Variants in CDKL4 observed in about 807,000 individuals in gnomAD.
The protein encoded by CDKL4 is cyclin-dependent kinase-like 4.
A neutral mutation model predicts 42.0 loss-of-function variants in CDKL4; 44 were observed. That is an observed-to-expected ratio of 1.05 (90% confidence interval 0.82 to 1.35). The LOEUF is 1.35. Ranked by LOEUF, CDKL4 falls within the 40% of genes most tolerant of loss-of-function variation. The pLI, the probability that CDKL4 is intolerant of heterozygous loss-of-function variation, is 0.00. For missense variants in CDKL4, 393 were observed against 369.9 expected (o/e 1.06, Z -0.51); for synonymous variants, 120 against 121.6 (o/e 0.99, Z 0.09).
At chr2:39,243,797 A>G (rs1679783308) in intron 1 of CDKL4, among the ~76,000 whole-genome samples, 74 bp downstream of exon 1, 1 of 152,156 alleles carries the variant, frequency 6.6e-6, no homozygotes, top group African/African-American at 2.4e-5. Flanking sequence ...TCCGCAGTCT[A>G]GACCTCGCGG....
intron 2 of CDKL4, among the ~76,000 whole-genome samples, chr2:39,226,955 T>C (rs6759501): frequency 0.86 from 130,699 of 152,062 alleles, 56,522 homozygotes; most frequent in Non-Finnish European, 0.92. Flanking sequence ...TTAGTAGAGA[T>C]GGGGTTTCAC....
intron 4 of CDKL4, among the ~76,000 whole-genome samples, chr2:39,209,927 A>C (rs140496466): frequency 7.2e-5 from 11 of 152,344 alleles, no homozygotes; most frequent in Non-Finnish European, 1.5e-4. Context: ...AGGCAGATAC[A>C]CAAAGGCTTA....
At chr2:39,221,000 TGTTTTTTTTTTTGTTTTGTTTTTG>T (rs1678310896) in intron 3 of CDKL4, among the ~76,000 whole-genome samples, 3 of 46,578 alleles carry the variant, frequency 6.4e-5, no homozygotes, top group African/African-American at 1.8e-4. Flanking sequence ...TTTTTTTTTT[TGTTTTTTTTTTTGTTTTGTTTTTG>T]TTTTTTGAGA....
chr2:39,184,322 G>A (rs184781991), intron 8 of CDKL4, among the ~76,000 whole-genome samples: 21 of 152,272 alleles, frequency 1.4e-4, no homozygotes, highest in Admixed American at 7.2e-4. Flanking sequence ...TTGGTTTGGC[G>A]TCTCTCTTGG....
chr2:39,199,537 A>G (rs1676722552), intron 5 of CDKL4, among the ~76,000 whole-genome samples: 1 of 152,150 alleles, frequency 6.6e-6, no homozygotes, highest in African/African-American at 2.4e-5. Context: ...CATAACAAAA[A>G]AAGAAAACTA....
chr2:39,200,255 A>G (rs1676767616), intron 5 of CDKL4, among the ~76,000 whole-genome samples: 1 of 151,942 alleles, frequency 6.6e-6, no homozygotes, highest in Non-Finnish European at 1.5e-5. Flanking sequence ...GCAAAAAAAT[A>G]AAATACTTAG....
intron 4 of CDKL4, among the ~76,000 whole-genome samples, chr2:39,207,603 A>C (rs978252332): frequency 6.6e-6 from 1 of 152,214 alleles, no homozygotes; most frequent in African/African-American, 2.4e-5. Flanking sequence ...ATTTACATCA[A>C]TATCTGTCCA....
At chr2:39,194,228 G>A (rs919223172) in intron 5 of CDKL4, among the ~76,000 whole-genome samples, 2 of 152,174 alleles carry the variant, frequency 1.3e-5, no homozygotes, top group Non-Finnish European at 2.9e-5. Flanking sequence ...AGGCCGAGGT[G>A]GAAGGATCAC....
At position 39,226,445 on chromosome 2, in the gene CDKL4, T is replaced by TTATATATATATTATATATA. The variant is rs1207277943; in HGVS notation, c.169-504_169-486dup. On this transcript the variant is annotated intron_variant, in intron 2 of 9. Transcript: ENST00000451199. ...TTTATATTTATATAAATTATATATA[T>TTATATATATATTATATATA]TATATATATATTATATATATTATAT... Among the ~76,000 whole-genome samples, 8 of 99,538 alleles carry TTATATATATATTATATATA rather than the reference T, an allele frequency of 8.0e-5. No individual in the cohort carries two copies. In the East Asian group the frequency reaches 1.4e-3, roughly 18 times the overall value. 65.3% of individuals were successfully genotyped at this position (99,538 alleles called of 152,430 possible). A position where few individuals can be genotyped will look rare whatever the true frequency, so the allele number is the denominator to read the frequency against.
chr2:39,242,675 A>AT (rs1679719180), intron 1 of CDKL4, among the ~76,000 whole-genome samples: 4 of 152,214 alleles, frequency 2.6e-5, no homozygotes, highest in Admixed American at 6.5e-5. Context: ...AACTCAAGCC[A>AT]GCCTAAGGAA....
intron 1 of CDKL4, among the ~76,000 whole-genome samples, chr2:39,241,259 A>C (rs1339981487): frequency 6.6e-6 from 1 of 152,234 alleles, no homozygotes. Context: ...ATTAATATGC[A>C]TGTGTTATAT....
intron 4 of CDKL4, among the ~76,000 whole-genome samples, chr2:39,204,869 T>G (rs1349498084): frequency 3.4e-5 from 5 of 145,462 alleles, no homozygotes; most frequent in African/African-American, 1.3e-4. Context: ...AAAACTGTCT[T>G]TTTTTTTTTT....
upstream of CDKL4, among the ~76,000 whole-genome samples, chr2:39,246,847 G>A (rs1423033269): frequency 6.6e-6 from 1 of 152,094 alleles, no homozygotes; most frequent in Non-Finnish European, 1.5e-5. Context: ...GGGCTCAAGT[G>A]ATTCTCTTGC....
In CDKL4 at chr2:39,193,692, A is replaced by C. The variant is rs556467873; in HGVS notation, c.455-3190T>G. ...GCCTGGCCCGTTTATAAAATTGTTA[A>C]AGAAATTTATGTTCTTTGTAGAAAA... is the stretch of plus-strand genomic sequence containing the variant. On this transcript the variant is annotated intron_variant, in intron 5 of 9. Coordinates refer to ENST00000451199, the Ensembl canonical transcript of CDKL4. Among the ~76,000 whole-genome samples the C allele has an allele frequency of 1.1e-4, 17 of 152,278 alleles. 1 individual carries two copies. In the South Asian group the frequency reaches 3.5e-3, roughly 32 times the overall value.
chr2:39,183,664 C>A (rs1278329930), intron 8 of CDKL4, among the ~76,000 whole-genome samples: 2 of 152,158 alleles, frequency 1.3e-5, no homozygotes, highest in Non-Finnish European at 1.5e-5. Flanking sequence ...TGGGTCAGAA[C>A]AACCTGTCAA....
chr2:39,244,013 C>T (rs987421011), upstream of CDKL4, among the ~76,000 whole-genome samples: 1 of 152,232 alleles, frequency 6.6e-6, no homozygotes, highest in Non-Finnish European at 1.5e-5. Context: ...TCCCGGGCAA[C>T]CGGAACGCTA....
chr2:39,222,607 A>AAATT (rs1678446670), intron 3 of CDKL4, among the ~76,000 whole-genome samples: 1 of 152,038 alleles, frequency 6.6e-6, no homozygotes, highest in African/African-American at 2.4e-5. Context: ...ATAAATAAAT[A>AAATT]AATAAATATT....
chr2:39,213,511 G>T (rs974550763), intron 3 of CDKL4, 39 bp from the exon 4 acceptor site: 54 of 1,412,296 alleles, frequency 3.8e-5, no homozygotes, highest in Non-Finnish European at 5.2e-5. Context: ...AAACTCATAG[G>T]ATAGAGTTCC....
At chr2:39,242,077 G>T (rs138666548) in intron 1 of CDKL4, among the ~76,000 whole-genome samples, 1 of 148,786 alleles carries the variant, frequency 6.7e-6, no homozygotes, top group Non-Finnish European at 1.5e-5. Flanking sequence ...ACAGGGTCTC[G>T]CTCTGTCACT....
Sources: gnomAD v4.1 joint callset for allele counts (sites outside exome capture counted in the v4.1 genomes callset) on GRCh38, gnomAD v4.1.1 for gene constraint, MANE v1.5 for transcripts, NCBI Gene and HGNC (gene_info 2026-07-23, HGNC 2026-07-21) for gene names.